The following GRK5 variants were observed in gnomAD, a reference collection of about 807,000 sequenced individuals.
The protein encoded by GRK5 is g protein-coupled receptor kinase GRK5.
A neutral mutation model predicts 78.4 loss-of-function variants in GRK5; 40 were observed. The observed-to-expected ratio is 0.51, with a 90% CI of 0.40 to 0.66. GRK5 has a LOEUF of 0.66. Ranked by LOEUF, GRK5 falls within the 30% of genes least tolerant of loss-of-function variation. GRK5 has a pLI of 0.00. For synonymous variants in GRK5, 289 were observed against 296.8 expected, an observed-to-expected ratio of 0.97 and a Z score of 0.27; for missense variants, 598 against 759.9, an observed-to-expected ratio of 0.79 and a Z score of 2.50.
Position 119,454,857 on chromosome 10 carries a change from A to T in GRK5, c.1675-112A>T. 8 of 691,056 alleles carry T rather than the reference A, an allele frequency of 1.2e-5. No individual in the cohort carries two copies. In the South Asian group the frequency reaches 1.3e-4, roughly 11 times the overall value. The allele number at this position is 691,056 out of a possible 1,614,324, so 42.8% of individuals were successfully genotyped here. ...CCTGGCTCTGAGGGGAGACTGCAAA[A>T]GGCAATAAAAAGCAAGGGTTGGAGC... On this transcript the variant is annotated intron_variant, in intron 15 of 15. Coordinates refer to ENST00000392870, the MANE Select transcript of GRK5 (RefSeq NM_005308.3).
chr10:119,397,982 A>C (rs967292714), intron 4 of GRK5, among the ~76,000 whole-genome samples: 1 of 152,216 alleles, frequency 6.6e-6, no homozygotes, highest in African/African-American at 2.4e-5. Context: ...GCCCTTTTGC[A>C]CTTTTCAGAA....
chr10:119,265,705 C>T (rs535607242), intron 1 of GRK5, among the ~76,000 whole-genome samples: 1 of 152,328 alleles, frequency 6.6e-6, no homozygotes, highest in Admixed American at 6.5e-5. Flanking sequence ...GGAGTGAGTG[C>T]CTGGGCTCCA....
intron 4 of GRK5, among the ~76,000 whole-genome samples, chr10:119,414,816 G>A (rs989424588): frequency 3.3e-5 from 5 of 152,040 alleles, no homozygotes; most frequent in South Asian, 2.1e-4. Context: ...GTGTGGTGAC[G>A]CATACCTGTA....
At chr10:119,421,940 C>T (rs1030599634) in intron 4 of GRK5, among the ~76,000 whole-genome samples, 17 of 152,168 alleles carry the variant, frequency 1.1e-4, no homozygotes, top group Non-Finnish European at 2.9e-5. Flanking sequence ...CGGGCGTCCC[C>T]TCCACCCCCA....
chr10:119,263,449 G>C (rs1270127706), intron 1 of GRK5, among the ~76,000 whole-genome samples: 1 of 152,122 alleles, frequency 6.6e-6, no homozygotes, highest in Non-Finnish European at 1.5e-5. Context: ...AACATCTCTT[G>C]GCATCTTCCA....
At chr10:119,245,276 T>TA (rs1004825695) in intron 1 of GRK5, among the ~76,000 whole-genome samples, 97 of 146,312 alleles carry the variant, frequency 6.6e-4, no homozygotes, top group Middle Eastern at 3.5e-3. Context: ...GACTCTTTCT[T>TA]AAAAAAAAAA....
rs1288256421 is a variant in GRK5 at position 119,207,845 on chromosome 10, GGCAGCA to G, written c.-67_-62del. Reference sequence around the variant, plus strand: ...CAGCAGCGGCGGCAGCCCGAGCAGCGGCAGCAGCAGCGGCAGCACCCCAGGCGCTGA... The same window carrying G: ...CAGCAGCGGCGGCAGCCCGAGCAGCGGCAGCGGCAGCACCCCAGGCGCTGA... On this transcript the variant is annotated 5_prime_UTR_variant, in exon 1 of 16. Coordinates refer to ENST00000392870, the MANE Select transcript of GRK5 (RefSeq NM_005308.3). 27 of 1,422,476 alleles carry G rather than the reference GGCAGCA, an allele frequency of 1.9e-5. No homozygotes were observed. The highest frequency in any genetic ancestry group is 2.7e-5 in the East Asian group (1 of 37,284). The allele number at this position is 1,422,476 out of a possible 1,614,324, so 88.1% of individuals were successfully genotyped here.
intron 1 of GRK5, among the ~76,000 whole-genome samples, chr10:119,231,670 G>A (rs1848831198): frequency 6.9e-6 from 1 of 145,252 alleles, no homozygotes; most frequent in Admixed American, 7.1e-5. Flanking sequence ...TCGTGCCACC[G>A]CACTCTAGCC....
At chr10:119,244,140 G>A (rs1344581718) in intron 1 of GRK5, among the ~76,000 whole-genome samples, 1 of 152,364 alleles carries the variant, frequency 6.6e-6, no homozygotes. Context: ...GCAGCCACAG[G>A]CTATACCTAA....
rs1852795294 is a variant in GRK5 at position 119,430,565 on chromosome 10, C to T, written c.597+127C>T. 4 of 736,628 alleles carry T rather than the reference C, an allele frequency of 5.4e-6. No homozygotes were observed. In the East Asian group the frequency reaches 1.1e-4, roughly 19 times the overall value. The allele number at this position is 736,628 out of a possible 1,614,324, so 45.6% of individuals were successfully genotyped here. ...GGGCACCAGTGGCTCAATGTGGGCC[C>T]CGGGGGCAGTGAGGGTGGGAGAGAG... is the stretch of plus-strand genomic sequence containing the variant. On this transcript the variant is annotated intron_variant, in intron 7 of 15. Coordinates refer to ENST00000392870, the MANE Select transcript of GRK5 (RefSeq NM_005308.3). This position sits in a 1 kb window ranked among gnomAD's most constrained non-coding sequence, Gnocchi z 4.5.
At chr10:119,345,134 A>G (rs1007693985) in intron 2 of GRK5, among the ~76,000 whole-genome samples, 1 of 151,618 alleles carries the variant, frequency 6.6e-6, no homozygotes, top group African/African-American at 2.4e-5. Flanking sequence ...ACGCCTGGCT[A>G]CTTTTTTGTA....
At chr10:119,351,448 G>T (rs1851183732) in intron 2 of GRK5, among the ~76,000 whole-genome samples, 1 of 152,086 alleles carries the variant, frequency 6.6e-6, no homozygotes, top group Non-Finnish European at 1.5e-5. Flanking sequence ...AGATCTGATG[G>T]TTTTATAAGG....
intron 2 of GRK5, among the ~76,000 whole-genome samples, chr10:119,360,333 G>A (rs760535359): frequency 5.3e-5 from 8 of 152,218 alleles, no homozygotes; most frequent in Non-Finnish European, 8.8e-5. Context: ...CTCTTTAGTT[G>A]TGCCTTGGAA....
At chr10:119,406,567 T>C in intron 4 of GRK5, 1 of 725,704 alleles carries the variant, frequency 1.4e-6, no homozygotes, top group Non-Finnish European at 1.7e-6. Context: ...TGCCCGGCCC[T>C]CATTTCCCAG....
At chr10:119,402,769 G>T (rs936543418) in intron 4 of GRK5, among the ~76,000 whole-genome samples, 1 of 152,168 alleles carries the variant, frequency 6.6e-6, no homozygotes, top group Non-Finnish European at 1.5e-5. Context: ...TACAAGAATC[G>T]CTTGAACCAG....
At chr10:119,426,377 T>A (rs989130818) in intron 6 of GRK5, among the ~76,000 whole-genome samples, 4 of 152,090 alleles carry the variant, frequency 2.6e-5, no homozygotes, top group Non-Finnish European at 5.9e-5. Context: ...CCAGGAAAGC[T>A]TGAGAGGCAA....
At chr10:119,408,879 AAAAAGAGCAAG>A (rs1215363881) in intron 4 of GRK5, among the ~76,000 whole-genome samples, 4 of 152,276 alleles carry the variant, frequency 2.6e-5, no homozygotes, top group Admixed American at 6.5e-5. Flanking sequence ...ACAATGAAAG[AAAAAGAGCAAG>A]AAAAGAGTGG....
At chr10:119,436,472 A>T (rs932693442) in intron 8 of GRK5, among the ~76,000 whole-genome samples, 179 bp from the exon 9 acceptor site, 3 of 152,172 alleles carry the variant, frequency 2.0e-5, no homozygotes, top group African/African-American at 7.2e-5. Context: ...AGCAGGTGTG[A>T]GCCCCTTATC....
intron 2 of GRK5, 51 bp downstream of exon 2, chr10:119,326,662 G>A (rs370900336): frequency 5.2e-5 from 75 of 1,432,544 alleles, no homozygotes; most frequent in Non-Finnish European, 6.5e-5. Flanking sequence ...CAGGTGATCC[G>A]CCAAGCCGTT....
Sources: gnomAD v4.1 joint callset for allele counts (sites outside exome capture counted in the v4.1 genomes callset) on GRCh38, gnomAD v4.1.1 for gene constraint, Gnocchi (gnomAD v3.1) non-coding constraint, MANE v1.5 for transcripts, NCBI Gene and HGNC (gene_info 2026-07-23, HGNC 2026-07-21) for gene names.